Variants in UMAD1 observed in about 807,000 individuals in gnomAD.
The protein encoded by UMAD1 is UBAP1-MVB12-associated (UMA) domain containing 1.
Under a neutral mutation model 6.1 loss-of-function variants are expected in UMAD1, and 8 were observed. That is an observed-to-expected ratio of 1.30 (90% CI 0.76 to 2.35). The LOEUF is 2.35. Ranked by LOEUF, UMAD1 falls within the 30% of genes most tolerant of loss-of-function variation. The probability of loss-of-function intolerance (pLI) is 0.00; values close to 1 mark genes in which losing one functional copy is unlikely to be tolerated. For missense variants in UMAD1, 130 were observed against 78.4 expected (o/e 1.66, Z -2.49); for synonymous variants, 56 against 31.4 (o/e 1.78, Z -2.61).
At chr7:7,847,054 AAT>A (rs1491459277) in intron 3 of UMAD1, among the ~76,000 whole-genome samples, 2 of 22,446 alleles carry the variant, frequency 8.9e-5, no homozygotes, top group East Asian at 8.1e-4. Context: ...CTTAGAGTAT[AAT>A]AAAAAAAAAA....
At chr7:7,784,912 G>A (rs1200567262) in intron 2 of UMAD1, among the ~76,000 whole-genome samples, 2 of 151,750 alleles carry the variant, frequency 1.3e-5, no homozygotes, top group African/African-American at 2.4e-5. Context: ...ACAGGCGCCC[G>A]CCACCTCGCC....
At chr7:7,726,606 C>T (rs187028401) in intron 2 of UMAD1, among the ~76,000 whole-genome samples, 2 of 152,174 alleles carry the variant, frequency 1.3e-5, no homozygotes, top group African/African-American at 4.8e-5. Context: ...GGAAATGGCA[C>T]CATTCACCCT....
intron 2 of UMAD1, among the ~76,000 whole-genome samples, chr7:7,758,665 A>G (rs1781827937): frequency 1.3e-5 from 2 of 152,198 alleles, no homozygotes; most frequent in South Asian, 4.1e-4. Flanking sequence ...AACATTTTAT[A>G]TAAGTCTTGT....
chr7:7,809,025 A>C lies in UMAD1; in HGVS notation c.156+7282A>C, dbSNP rs190636779. ...CCAACTTCTGTTACCAAAGTAACTT[A>C]TTGCATATTTAATATAAATTTCTTA... On this transcript the variant is annotated intron_variant, in intron 3 of 3. Transcript: ENST00000682710. 1.8e-3 allele frequency among the ~76,000 whole-genome samples: 270 copies of C among 152,122 alleles called. 1 individual carries two copies. Among genetic ancestry groups the C allele is most frequent in the Middle Eastern group, 6.8e-3 (2 of 294 alleles).
intron 2 of UMAD1, 98 bp downstream of exon 2, chr7:7,673,551 T>G (rs1353727901): frequency 1.6e-6 from 1 of 643,236 alleles, no homozygotes; most frequent in Non-Finnish European, 2.7e-6. Context: ...TTTCTTATAA[T>G]TTCAGAATTA....
At chr7:7,725,539 G>A (rs538653366) in intron 2 of UMAD1, among the ~76,000 whole-genome samples, 2 of 152,306 alleles carry the variant, frequency 1.3e-5, no homozygotes, top group Admixed American at 6.5e-5. Flanking sequence ...CTCTTGGCCT[G>A]TTACTGGGCT....
chr7:7,754,837 A>AT (rs1176585264), intron 2 of UMAD1, among the ~76,000 whole-genome samples: 2 of 152,104 alleles, frequency 1.3e-5, no homozygotes, highest in African/African-American at 4.8e-5. Flanking sequence ...GTATATACAT[A>AT]TTTTTTTCCA....
chr7:7,805,909 T>G (rs1782904120), intron 3 of UMAD1, among the ~76,000 whole-genome samples: 1 of 152,200 alleles, frequency 6.6e-6, no homozygotes, highest in African/African-American at 2.4e-5. Context: ...GATTATTCAT[T>G]TGCTATCTGC....
intron 3 of UMAD1, among the ~76,000 whole-genome samples, chr7:7,805,414 A>C (rs1268534909): frequency 2.0e-5 from 3 of 152,134 alleles, no homozygotes; most frequent in Non-Finnish European, 4.4e-5. Flanking sequence ...TCTATCAGCA[A>C]GTCCTGCCAT....
At chr7:7,646,480 ATTTTT>A (rs35948027) in intron 1 of UMAD1, among the ~76,000 whole-genome samples, 3,036 of 111,296 alleles carry the variant, frequency 0.027, 74 homozygotes, top group African/African-American at 0.077. Flanking sequence ...CTTTCGCTGG[ATTTTT>A]TTTTTTTTTT....
chr7:7,719,289 A>T (rs949365243), intron 2 of UMAD1, among the ~76,000 whole-genome samples: 2 of 152,208 alleles, frequency 1.3e-5, no homozygotes, highest in African/African-American at 2.4e-5. Context: ...TTGATCCAGT[A>T]TATAGTATGC....
intron 2 of UMAD1, among the ~76,000 whole-genome samples, chr7:7,754,344 C>A (rs1230518816): frequency 6.6e-6 from 1 of 152,108 alleles, no homozygotes; most frequent in East Asian, 1.9e-4. Context: ...TGTTGCATTT[C>A]TCTGGTGATC....
rs112606367 is a variant in UMAD1 at position 7,706,800 on chromosome 7, G to A, written c.82+33347G>A. 2.0e-5 allele frequency among the ~76,000 whole-genome samples: 3 copies of A among 152,212 alleles called. 1 individual carries two copies. The highest frequency in any genetic ancestry group is 4.8e-5 in the African/African-American group (2 of 41,538). ...TTGTCTGAGTCTGTGCTCTTAATCC[G>A]TATGTTCTACATCCTATCTGTTGGT... On this transcript the variant is annotated intron_variant, in intron 2 of 3. Coordinates refer to ENST00000682710, the MANE Select transcript of UMAD1 (RefSeq NM_001302348.2).
intron 3 of UMAD1, among the ~76,000 whole-genome samples, chr7:7,841,207 A>G (rs10264195): frequency 0.59 from 89,680 of 152,052 alleles, 27,379 homozygotes; most frequent in Middle Eastern, 0.71. Context: ...AAACAGTACT[A>G]TTTAAAGCTA....
At chr7:7,788,572 A>T (rs1057342926) in intron 2 of UMAD1, among the ~76,000 whole-genome samples, 1 of 152,096 alleles carries the variant, frequency 6.6e-6, no homozygotes, top group African/African-American at 2.4e-5. Context: ...TTAGATTAGG[A>T]TCTACCAGTA....
intron 2 of UMAD1, among the ~76,000 whole-genome samples, chr7:7,798,717 G>A (rs1456987902): frequency 3.3e-5 from 5 of 152,102 alleles, no homozygotes; most frequent in African/African-American, 4.8e-5. Context: ...CATTGGAACC[G>A]TTCACCAGAC....
At chr7:7,721,343 G>T (rs577386576) in intron 2 of UMAD1, among the ~76,000 whole-genome samples, 4 of 152,206 alleles carry the variant, frequency 2.6e-5, no homozygotes, top group African/African-American at 9.6e-5. Flanking sequence ...TATTCCATAT[G>T]TGTGCAGAGG....
intron 3 of UMAD1, among the ~76,000 whole-genome samples, chr7:7,863,972 G>T (rs2348766): frequency 0.14 from 21,839 of 152,252 alleles, 2,225 homozygotes; most frequent in Non-Finnish European, 0.2. Flanking sequence ...ACTGTGATAA[G>T]AAGAAATATA....
intron 2 of UMAD1, among the ~76,000 whole-genome samples, chr7:7,785,436 G>C (rs970895936): frequency 1.3e-5 from 2 of 152,078 alleles, no homozygotes; most frequent in African/African-American, 4.8e-5. Flanking sequence ...GGGATGAAAA[G>C]GGATGAGAGA....
Sources: allele counts gnomAD v4.1 joint callset (sites outside exome capture counted in the v4.1 genomes callset), GRCh38; gene constraint gnomAD v4.1.1; transcripts MANE v1.5; gene names NCBI Gene and HGNC (gene_info 2026-07-23, HGNC 2026-07-21).